LRBA: variants seen among roughly 807,000 people sequenced by gnomAD.
The protein encoded by LRBA is lipopolysaccharide-responsive and beige-like anchor protein.
In LRBA, 176 loss-of-function variants were observed where a neutral mutation model predicts 330.0. The observed-to-expected ratio is 0.53, with a 90% CI of 0.47 to 0.60. LRBA has a LOEUF of 0.60. LRBA is among the 20% of genes least tolerant of loss of function. LRBA has a pLI of 0.00. For missense variants in LRBA, 3,259 were observed against 3,444.8 expected (o/e 0.95, Z 1.35); for synonymous variants, 1,230 against 1,193.0 (o/e 1.03, Z -0.64).
Position 150,964,346 on chromosome 4 carries a change from G to A in LRBA, c.217-35281C>T, listed in dbSNP as rs1042851363. ...GTGTACCCAACAGCTCATTGAGAAC[G>A]GGCCATGATGACGATGGCGGTTTTG... On this transcript the variant is annotated intron_variant, in intron 2 of 56. Transcript: ENST00000651943. Among the ~76,000 whole-genome samples, 10 of 149,862 alleles carry A rather than the reference G, an allele frequency of 6.7e-5. 1 individual carries two copies. Among genetic ancestry groups the A allele is most frequent in the East Asian group, 1.9e-4 (1 of 5,186 alleles).
At chr4:150,706,483 A>C (rs1030406717) in intron 36 of LRBA, among the ~76,000 whole-genome samples, 17 of 151,698 alleles carry the variant, frequency 1.1e-4, no homozygotes, top group African/African-American at 3.9e-4. Context: ...AAAGCAATAA[A>C]ACTATAGAAA....
At chr4:150,425,188 A>G (rs1749406347) in intron 46 of LRBA, among the ~76,000 whole-genome samples, 1 of 152,228 alleles carries the variant, frequency 6.6e-6, no homozygotes, top group African/African-American at 2.4e-5. Flanking sequence ...ATGCCTTTCT[A>G]ATACTTTTAA....
At position 150,310,259 on chromosome 4, in the gene LRBA, T is replaced by C. The variant is rs188840237; in HGVS notation, c.7819A>G (p.Lys2607Glu). 6.2e-7 allele frequency: 1 copy of C among 1,612,620 alleles called. No homozygotes were observed. Among genetic ancestry groups the C allele is most frequent in the African/African-American group, 1.3e-5 (1 of 74,900 alleles). ...TCTGTAGAATAGACTCTGAAACTTT[T>C]ATCCCAGAAGCCACAGACGAGAATA... ...RYILVCGFWD[K>E]SFRVYSTDTG... Residue 2607 changes from lysine to glutamate, a missense_variant, in exon 52 of 57, where the codon AAA (lysine) becomes GAA (glutamate). By Grantham distance (56) the Lys-to-Glu change is moderately conservative. Coordinates refer to ENST00000651943, the MANE Select transcript of LRBA (RefSeq NM_001364905.1).
At position 150,366,961 on chromosome 4, in the gene LRBA, A is replaced by G. The variant is rs529761121; in HGVS notation, c.7195-16802T>C. On this transcript the variant is annotated intron_variant, in intron 47 of 56. Coordinates refer to ENST00000651943, the MANE Select transcript of LRBA (RefSeq NM_001364905.1). ...CTCAAGGGCCTTCCCATTCATTTTG[A>G]AAGGGGAAGAAAATAAAAGCTTCAA... is the stretch of plus-strand genomic sequence containing the variant. 5.9e-5 allele frequency among the ~76,000 whole-genome samples: 9 copies of G among 152,306 alleles called. No homozygotes were observed. In the South Asian group the frequency reaches 1.0e-3, roughly 18 times the overall value.
At chr4:150,661,469 C>CAAAAA (rs563120801) in intron 37 of LRBA, among the ~76,000 whole-genome samples, 347 of 64,996 alleles carry the variant, frequency 5.3e-3, no homozygotes, top group Non-Finnish European at 9.0e-3. Context: ...GACTCTGTCT[C>CAAAAA]AAAAAAAAAA....
At chr4:150,620,092 T>C (rs759249117) in intron 37 of LRBA, among the ~76,000 whole-genome samples, 4 of 152,194 alleles carry the variant, frequency 2.6e-5, no homozygotes, top group East Asian at 3.8e-4. Context: ...AAAACGTTAA[T>C]GTTTCGTTAA....
chr4:150,346,760 A>C (rs1415917297), intron 48 of LRBA, among the ~76,000 whole-genome samples: 6 of 34,562 alleles, frequency 1.7e-4, no homozygotes, highest in African/African-American at 3.5e-4. Context: ...TCTGTCTCAA[A>C]AAAAAAAAAA....
chr4:150,327,415 C>A (rs1733430866), intron 48 of LRBA, among the ~76,000 whole-genome samples: 1 of 152,120 alleles, frequency 6.6e-6, no homozygotes, highest in Non-Finnish European at 1.5e-5. Context: ...GCAGCCTGGA[C>A]AAGAGTACAG....
chr4:150,350,594 T>C (rs1407709596), intron 47 of LRBA, among the ~76,000 whole-genome samples: 10 of 151,722 alleles, frequency 6.6e-5, no homozygotes, highest in Non-Finnish European at 4.4e-5. Context: ...AAGAAACTTA[T>C]CTGATGTCCT....
intron 22 of LRBA, among the ~76,000 whole-genome samples, chr4:150,862,440 A>G (rs1329752943): frequency 1.3e-5 from 2 of 152,118 alleles, no homozygotes; most frequent in Non-Finnish European, 2.9e-5. Flanking sequence ...CAGAAAACCA[A>G]ACACTGCATG....
chr4:150,676,649 T>G (rs1782585003), intron 37 of LRBA, among the ~76,000 whole-genome samples: 1 of 152,200 alleles, frequency 6.6e-6, no homozygotes, highest in Non-Finnish European at 1.5e-5. Context: ...GATTTTTTTT[T>G]TAAGACTGTT....
At chr4:150,412,205 T>C (rs1747108381) in intron 47 of LRBA, among the ~76,000 whole-genome samples, 1 of 152,212 alleles carries the variant, frequency 6.6e-6, no homozygotes. Context: ...TTATATACAG[T>C]TCTGTTTAGG....
chr4:150,471,739 T>C lies in LRBA; in HGVS notation c.6552A>G (p.Arg2184=), dbSNP rs1236050131. Residue 2184 remains arginine, a splice_region_variant and synonymous_variant, in exon 43 of 57, where the codon AGA becomes AGG. Transcript: ENST00000651943. ...VGTSFGLPQT[R]RISLASPRQL... is the part of the protein sequence containing the mutation. Reference sequence around the variant, plus strand: ...GACGTGGACTAGCTAATGAAATACGTCTGCAAGAAAAAGAATTCAATGTGA... The same window carrying C: ...GACGTGGACTAGCTAATGAAATACGCCTGCAAGAAAAAGAATTCAATGTGA... 1 of 1,420,064 alleles carries C rather than the reference T, an allele frequency of 7.0e-7. No individual in the cohort carries two copies. Among genetic ancestry groups the C allele is most frequent in the Non-Finnish European group, 9.9e-7 (1 of 1,013,754 alleles). The allele number at this position is 1,420,064 out of a possible 1,614,324, so 88.0% of individuals were successfully genotyped here.
intron 37 of LRBA, among the ~76,000 whole-genome samples, chr4:150,600,835 A>T (rs1774039754): frequency 6.6e-6 from 1 of 152,238 alleles, no homozygotes; most frequent in South Asian, 2.1e-4. Context: ...GGAAAAAGGC[A>T]GTACACAGAT....
At chr4:150,391,814 T>G (rs1039616582) in intron 47 of LRBA, among the ~76,000 whole-genome samples, 14 of 152,082 alleles carry the variant, frequency 9.2e-5, no homozygotes, top group African/African-American at 3.4e-4. Context: ...TTCTTCCTCT[T>G]GAGTGCCACT....
chr4:150,393,338 T>C (rs1002956427), intron 47 of LRBA, among the ~76,000 whole-genome samples: 4 of 152,130 alleles, frequency 2.6e-5, no homozygotes, highest in Non-Finnish European at 4.4e-5. Context: ...AAAATCTTTT[T>C]TTTTTTTTAA....
At chr4:150,729,265 G>T (rs1301999452) in intron 36 of LRBA, among the ~76,000 whole-genome samples, 10 of 152,178 alleles carry the variant, frequency 6.6e-5, no homozygotes, top group Non-Finnish European at 1.3e-4. Flanking sequence ...AGTGAGCCAT[G>T]ACTGTCACTG....
chr4:150,605,545 T>C (rs1774535435), intron 37 of LRBA, among the ~76,000 whole-genome samples: 1 of 152,184 alleles, frequency 6.6e-6, no homozygotes, highest in African/African-American at 2.4e-5. Flanking sequence ...TAGCTTCTAT[T>C]TCCATATTTT....
chr4:150,648,979 T>A (rs1028977407), intron 37 of LRBA, among the ~76,000 whole-genome samples: 3 of 152,130 alleles, frequency 2.0e-5, no homozygotes, highest in Non-Finnish European at 4.4e-5. Context: ...ACCAAAACAG[T>A]TCTATGATAA....
Sources: allele counts gnomAD v4.1 joint callset (sites outside exome capture counted in the v4.1 genomes callset), GRCh38; gene constraint gnomAD v4.1.1; transcripts MANE v1.5; gene names NCBI Gene and HGNC (gene_info 2026-07-23, HGNC 2026-07-21).